Variants in BCKDHB observed in about 807,000 individuals in gnomAD.
BCKDHB encodes the protein branched chain keto acid dehydrogenase E1 subunit beta.
BCKDHB carries 41 observed loss-of-function variants against 48.5 expected under a neutral mutation model. That is an observed-to-expected ratio of 0.85 (90% confidence interval 0.66 to 1.10). The LOEUF (loss-of-function observed/expected upper bound fraction) is 1.10. BCKDHB is among the 50% of genes least tolerant of loss of function. The probability of loss-of-function intolerance (pLI) is 0.00; values close to 1 mark genes in which losing one functional copy is unlikely to be tolerated. For missense variants in BCKDHB, 496 were observed against 494.2 expected, an observed-to-expected ratio of 1.00 and a Z score of -0.03; for synonymous variants, 201 against 174.8, an observed-to-expected ratio of 1.15 and a Z score of -1.18.
chr6:80,291,469 A>G (rs539007166), intron 9 of BCKDHB, among the ~76,000 whole-genome samples: 22 of 152,210 alleles, frequency 1.4e-4, no homozygotes, highest in Non-Finnish European at 3.1e-4. Context: ...CTGCACAAAG[A>G]GTACAACAGC....
Position 80,330,689 on chromosome 6 carries a change from G to C in BCKDHB, c.1039-12975G>C, listed in dbSNP as rs966721799. 6.1e-5 allele frequency among the ~76,000 whole-genome samples: 9 copies of C among 148,400 alleles called. No homozygotes were observed. The East Asian group carries it at 1.4e-3, about 23-fold the overall frequency. ...TTGTTACCCTACACAGTAAGAATTA[G>C]ATATCTAGAAACAACTACAGGTATG... On this transcript the variant is annotated intron_variant, in intron 9 of 9. Transcript: ENST00000320393.
At chr6:80,117,122 A>G (rs1769745632) in intron 1 of BCKDHB, among the ~76,000 whole-genome samples, 1 of 152,250 alleles carries the variant, frequency 6.6e-6, no homozygotes, top group South Asian at 2.1e-4. Context: ...TTGTAATTTA[A>G]AACTTAGAAA....
intron 8 of BCKDHB, among the ~76,000 whole-genome samples, chr6:80,250,677 G>T (rs1776801319): frequency 6.6e-6 from 1 of 152,130 alleles, no homozygotes; most frequent in Admixed American, 6.6e-5. Context: ...TTGGGTTTAG[G>T]ATCATCCAGG....
chr6:80,149,236 C>A (rs1771638997), intron 3 of BCKDHB, among the ~76,000 whole-genome samples: 1 of 152,130 alleles, frequency 6.6e-6, no homozygotes, highest in Admixed American at 6.5e-5. Context: ...CCATCACTGG[C>A]CATCAGAGGA....
intron 9 of BCKDHB, among the ~76,000 whole-genome samples, chr6:80,333,438 C>G (rs944530456): frequency 6.6e-6 from 1 of 152,016 alleles, no homozygotes; most frequent in East Asian, 1.9e-4. Flanking sequence ...TTTTTTTGTT[C>G]TTTGTACACA....
rs149573845 is a variant in BCKDHB at position 80,132,249 on chromosome 6, C to T, written c.343+3020C>T. Reference sequence around the variant, plus strand: ...TCCGGACCCTCCAAGCAGACTCAGGCAGTTCTTTATCACTATTCACGCTGC... The same window carrying T: ...TCCGGACCCTCCAAGCAGACTCAGGTAGTTCTTTATCACTATTCACGCTGC... On this transcript the variant is annotated intron_variant, in intron 3 of 9. Transcript: ENST00000320393. Among the ~76,000 whole-genome samples the T allele has an allele frequency of 1.4e-4, 22 of 152,116 alleles. No individual in the cohort carries two copies. The East Asian group carries it at 4.3e-3, about 30-fold the overall frequency.
chr6:80,351,774 C>A, the BCKDHB span, among the ~76,000 whole-genome samples: 1 of 150,754 alleles, frequency 6.6e-6, no homozygotes. Context: ...TCCTGAGTAA[C>A]TGGGACTACA....
intron 6 of BCKDHB, among the ~76,000 whole-genome samples, chr6:80,178,895 A>C (rs1773287703): frequency 6.6e-6 from 1 of 152,140 alleles, no homozygotes; most frequent in African/African-American, 2.4e-5. Flanking sequence ...ATACTACCCT[A>C]TTTTGCATCC....
At chr6:80,197,079 C>A (rs908961345) in intron 6 of BCKDHB, among the ~76,000 whole-genome samples, 1 of 152,142 alleles carries the variant, frequency 6.6e-6, no homozygotes, top group Non-Finnish European at 1.5e-5. Flanking sequence ...AAATAGGAAT[C>A]TGTAATATGA....
intron 8 of BCKDHB, among the ~76,000 whole-genome samples, chr6:80,242,665 T>G (rs1776437102): frequency 6.6e-6 from 1 of 152,208 alleles, no homozygotes; most frequent in African/African-American, 2.4e-5. Context: ...GATTATTCCT[T>G]TCCATGAATA....
At chr6:80,233,556 T>C (rs1288350187) in intron 8 of BCKDHB, among the ~76,000 whole-genome samples, 1 of 152,220 alleles carries the variant, frequency 6.6e-6, no homozygotes, top group Non-Finnish European at 1.5e-5. Flanking sequence ...GTGCTTCTTA[T>C]TTTTCTGAAC....
chr6:80,464,188 C>T, the BCKDHB span, among the ~76,000 whole-genome samples: 10 of 152,034 alleles, frequency 6.6e-5, no homozygotes, highest in Non-Finnish European at 1.5e-4. Flanking sequence ...AGTGCAGTGG[C>T]GCGATCTTGG....
chr6:80,117,373 G>A (rs1000931249), intron 1 of BCKDHB, among the ~76,000 whole-genome samples: 1 of 152,178 alleles, frequency 6.6e-6, no homozygotes, highest in South Asian at 2.1e-4. Flanking sequence ...ATAACTTGCT[G>A]AGCATCAGTG....
At chr6:80,223,725 T>C (rs918379905) in intron 8 of BCKDHB, among the ~76,000 whole-genome samples, 1 of 151,964 alleles carries the variant, frequency 6.6e-6, no homozygotes, top group Non-Finnish European at 1.5e-5. Context: ...ACAGATACGA[T>C]ATGTAGTAAC....
At chr6:80,238,991 A>T (rs1460974166) in intron 8 of BCKDHB, among the ~76,000 whole-genome samples, 1 of 152,226 alleles carries the variant, frequency 6.6e-6, no homozygotes, top group Non-Finnish European at 1.5e-5. Context: ...TTCTTAGTCC[A>T]TTCTATCATT....
chr6:80,173,895 A>T (rs1304372029), intron 6 of BCKDHB, among the ~76,000 whole-genome samples: 1 of 151,554 alleles, frequency 6.6e-6, no homozygotes, highest in Non-Finnish European at 1.5e-5. Context: ...TAAACTCCAA[A>T]CATACAGTTG....
chr6:80,118,628 G>C (rs1475967276), intron 1 of BCKDHB, among the ~76,000 whole-genome samples: 9 of 152,036 alleles, frequency 5.9e-5, no homozygotes, highest in Non-Finnish European at 1.5e-5. Flanking sequence ...TTTTACCACA[G>C]TAGAACTTTT....
the BCKDHB span, among the ~76,000 whole-genome samples, chr6:80,391,177 ATG>A: frequency 0.033 from 4,858 of 149,198 alleles, 215 homozygotes; most frequent in East Asian, 0.12. Flanking sequence ...GCATATATAT[ATG>A]TGTGTGTGTG....
chr6:80,376,107 G>A, the BCKDHB span, among the ~76,000 whole-genome samples: 1 of 152,124 alleles, frequency 6.6e-6, no homozygotes, highest in Admixed American at 6.5e-5. Context: ...CTACCAAGGT[G>A]GGAAGAGAAA....
Sources: gnomAD v4.1 joint callset for allele counts (sites outside exome capture counted in the v4.1 genomes callset) on GRCh38, gnomAD v4.1.1 for gene constraint, MANE v1.5 for transcripts, NCBI Gene and HGNC (gene_info 2026-07-23, HGNC 2026-07-21) for gene names.